MARCO: variants seen among roughly 807,000 people sequenced by gnomAD.
The protein encoded by MARCO is macrophage receptor with collagenous structure, also known as macrophage receptor MARCO.
In MARCO, 72 loss-of-function variants were observed where a neutral mutation model predicts 70.0. The ratio of observed to expected loss-of-function variants is 1.03; its 90% CI spans 0.85 to 1.25. The LOEUF is 1.25. Among genes scored for constraint, MARCO ranks in the 50% most tolerant of loss-of-function variants. The probability of loss-of-function intolerance (pLI) is 0.00; values close to 1 mark genes in which losing one functional copy is unlikely to be tolerated. For missense variants in MARCO, 696 were observed against 659.3 expected, an observed-to-expected ratio of 1.06 and a Z score of -0.61; for synonymous variants, 273 against 243.1, an observed-to-expected ratio of 1.12 and a Z score of -1.14.
intron 13 of MARCO, among the ~76,000 whole-genome samples, chr2:118,991,428 C>T (rs987047570): frequency 6.6e-6 from 1 of 152,062 alleles, no homozygotes; most frequent in Admixed American, 6.6e-5. Context: ...TACTCGGCCT[C>T]TGTTACTATT....
intron 6 of MARCO, among the ~76,000 whole-genome samples, chr2:118,976,722 T>C (rs149654054): frequency 2.2e-3 from 341 of 152,308 alleles, no homozygotes; most frequent in Non-Finnish European, 4.2e-3. Flanking sequence ...AGATGCAGAA[T>C]ACTTAAGTGA....
intron 13 of MARCO, 53 bp downstream of exon 13, chr2:118,990,686 C>T: frequency 2.0e-5 from 31 of 1,568,318 alleles, no homozygotes; most frequent in Non-Finnish European, 2.6e-5. Context: ...GGAAGGCCTG[C>T]CTTCTCAGAG....
intron 6 of MARCO, among the ~76,000 whole-genome samples, chr2:118,976,019 C>T (rs1680276285): frequency 6.6e-6 from 1 of 152,092 alleles, no homozygotes; most frequent in African/African-American, 2.4e-5. Context: ...GAGAGAGGGA[C>T]TCAGGCTAGG....
At chr2:118,967,073 C>T (rs1215688104) in intron 1 of MARCO, among the ~76,000 whole-genome samples, 3 of 152,242 alleles carry the variant, frequency 2.0e-5, no homozygotes, top group Admixed American at 6.5e-5. Context: ...TGCTGGAATA[C>T]AGCTCAAAGA....
chr2:118,963,796 G>A (rs1679992957), intron 1 of MARCO, among the ~76,000 whole-genome samples: 1 of 152,018 alleles, frequency 6.6e-6, no homozygotes, highest in African/African-American at 2.4e-5. Flanking sequence ...GTTGGATTAT[G>A]TTTTTTAATA....
At chr2:118,953,398 C>T (rs1456276971) in intron 1 of MARCO, among the ~76,000 whole-genome samples, 1 of 152,316 alleles carries the variant, frequency 6.6e-6, no homozygotes, top group East Asian at 1.9e-4. Flanking sequence ...TTACTTTCTA[C>T]ATTTGGTGTG....
At chr2:118,954,312 G>C (rs1220052253) in intron 1 of MARCO, among the ~76,000 whole-genome samples, 1 of 152,090 alleles carries the variant, frequency 6.6e-6, no homozygotes, top group Non-Finnish European at 1.5e-5. Flanking sequence ...CCACTTCCCT[G>C]ACAACCTGCA....
intron 12 of MARCO, among the ~76,000 whole-genome samples, chr2:118,986,791 A>G (rs1391774884): frequency 2.0e-5 from 3 of 151,968 alleles, no homozygotes; most frequent in Admixed American, 2.0e-4. Context: ...TGTGAGAGAA[A>G]AGAAAAGAAA....
intron 1 of MARCO, among the ~76,000 whole-genome samples, chr2:118,967,538 T>A (rs1680075773): frequency 6.6e-6 from 1 of 152,056 alleles, no homozygotes; most frequent in African/African-American, 2.4e-5. Context: ...GCCTGGATTC[T>A]GGGGGGTAGG....
intron 1 of MARCO, among the ~76,000 whole-genome samples, chr2:118,948,842 C>T (rs149444314): frequency 1.3e-3 from 200 of 152,034 alleles, no homozygotes; most frequent in Middle Eastern, 6.8e-3. Context: ...TGATGAAATA[C>T]TAGAGTAAAA....
At chr2:118,943,115 G>T (rs2104538673) in intron 1 of MARCO, among the ~76,000 whole-genome samples, 1 of 152,284 alleles carries the variant, frequency 6.6e-6, no homozygotes, top group East Asian at 1.9e-4. Flanking sequence ...AAGTTGATCA[G>T]TCATTTCCAC....
At chr2:118,964,549 C>T (rs1558834570) in intron 1 of MARCO, among the ~76,000 whole-genome samples, 1 of 152,172 alleles carries the variant, frequency 6.6e-6, no homozygotes. Flanking sequence ...GTACCACTTA[C>T]ATCTGTTCTC....
At chr2:118,953,051 A>G (rs1415220804) in intron 1 of MARCO, 1 of 152,284 alleles carries the variant, frequency 6.6e-6, no homozygotes, top group East Asian at 1.9e-4. Context: ...TGCGTGTCCT[A>G]TGTCCGTTGG....
intron 12 of MARCO, among the ~76,000 whole-genome samples, chr2:118,989,491 C>A (rs1193576507): frequency 6.6e-6 from 1 of 152,202 alleles, no homozygotes; most frequent in Non-Finnish European, 1.5e-5. Flanking sequence ...CAGCACCAGG[C>A]CTGGAGGTGG....
In MARCO at chr2:118,986,620, A is replaced by G. The variant is rs1035901361; in HGVS notation, c.1064-3969A>G. Among the ~76,000 whole-genome samples the G allele has an allele frequency of 4.0e-4, 11 of 27,174 alleles. No homozygotes were observed. In the South Asian group the frequency reaches 0.011, roughly 28 times the overall value. The allele number at this position is 27,174 out of a possible 152,430, so 17.8% of individuals were successfully genotyped here. ...AAGAAAGAAAGAAAGAAAGAAAGAA[A>G]GAAAGAAAGAAAGAAAGAAAGAAAG... On this transcript the variant is annotated intron_variant, in intron 12 of 16. Transcript: ENST00000327097.
chr2:118,975,474 G>C (rs1680261942), intron 6 of MARCO, among the ~76,000 whole-genome samples: 1 of 152,220 alleles, frequency 6.6e-6, no homozygotes, highest in African/African-American at 2.4e-5. Flanking sequence ...GAATCCTCCA[G>C]AAATTGATTT....
chr2:118,951,165 C>G (rs112292577), intron 1 of MARCO, among the ~76,000 whole-genome samples: 1 of 152,132 alleles, frequency 6.6e-6, no homozygotes, highest in Non-Finnish European at 1.5e-5. Context: ...TTACTGAATA[C>G]CCATTGTGTC....
At chr2:118,952,474 A>G (rs1430307473) in intron 1 of MARCO, 1 of 152,376 alleles carries the variant, frequency 6.6e-6, no homozygotes. Context: ...CACTCCATCC[A>G]GCAGTAGGAC....
At chr2:118,946,502 TAGTTGGCTCTTCTTATTG>T (rs1386108774) in intron 1 of MARCO, among the ~76,000 whole-genome samples, 5 of 152,332 alleles carry the variant, frequency 3.3e-5, no homozygotes, top group African/African-American at 1.2e-4. Context: ...TATCCATCCA[TAGTTGGCTCTTCTTATTG>T]AGTAGCATTC....
Sources: allele counts gnomAD v4.1 joint callset (sites outside exome capture counted in the v4.1 genomes callset), GRCh38; gene constraint gnomAD v4.1.1; transcripts MANE v1.5; gene names NCBI Gene and HGNC (gene_info 2026-07-23, HGNC 2026-07-21).